FNBP4: variants seen among roughly 807,000 people sequenced by gnomAD.
FNBP4 encodes formin-binding protein 4.
In FNBP4, 34 loss-of-function variants were observed where a neutral mutation model predicts 119.3. That is an observed-to-expected ratio of 0.28 (90% CI 0.22 to 0.38). FNBP4 has a LOEUF of 0.38. FNBP4 is among the 10% of genes least tolerant of loss of function. The pLI is 1.00. For synonymous variants in FNBP4, 462 were observed against 430.6 expected, an observed-to-expected ratio of 1.07 and a Z score of -0.90; for missense variants, 1,112 against 1,228.9, an observed-to-expected ratio of 0.90 and a Z score of 1.42.
At position 47,746,229 on chromosome 11, in the gene FNBP4, T is replaced by A. The variant is rs750153533; in HGVS notation, c.1072A>T (p.Thr358Ser). 1.9e-5 allele frequency: 30 copies of A among 1,614,076 alleles called. No individual in the cohort carries two copies. The highest frequency in any genetic ancestry group is 2.4e-5 in the Non-Finnish European group (28 of 1,180,050). ...KEEPVSEVKE[T>S]STTVEEATTI... ...GTTGCTTCTTCTACTGTTGTACTTG[T>A]TTCTTTTACTTCTGAAACTGGCTCC... The change falls in exon 7 of 17, where the codon ACA (threonine) becomes TCA (serine). Residue 358 changes from threonine to serine, a missense_variant. Physicochemically the swap from Thr to Ser is moderately conservative, Grantham distance 58. This residue lies in a region of FNBP4 where 826 missense variants were observed against 988.8 expected (regional missense o/e 0.84). Coordinates refer to ENST00000263773, the MANE Select transcript of FNBP4 (RefSeq NM_015308.5).
chr11:47,746,475 C>A, intron 6 of FNBP4, 81 bp from the exon 7 acceptor site: 3 of 1,188,484 alleles, frequency 2.5e-6, no homozygotes, highest in Non-Finnish European at 3.5e-6. Flanking sequence ...CACACACATT[C>A]ATATTAACTG....
chr11:47,741,748 G>A (rs1001308329), intron 8 of FNBP4, among the ~76,000 whole-genome samples: 1 of 151,940 alleles, frequency 6.6e-6, no homozygotes, highest in African/African-American at 2.4e-5. Context: ...CTCGGAGGGT[G>A]GAGGTTGCAG....
Position 47,732,645 on chromosome 11 carries a change from C to G in FNBP4, c.1712G>C (p.Gly571Ala). 1 of 1,614,172 alleles carries G rather than the reference C, an allele frequency of 6.2e-7. No individual in the cohort carries two copies. Among genetic ancestry groups the G allele is most frequent in the East Asian group, 2.2e-5 (1 of 44,888 alleles). ...TTTAAGGTAGTTTCCATTAAGAGCC[C>G]CTTCCCGCCAGTCTGCAATTCGAGT... ...TETRIADWRE[G>A]ALNGNYLKRK... Residue 571 changes from glycine (G) to alanine (A), a missense_variant, in exon 11 of 17, where the codon GGG (glycine) becomes GCG (alanine). Around this residue, in one of 2 missense-constraint regions of FNBP4, gnomAD observed 826 missense variants for 988.8 expected, o/e 0.84. Transcript: ENST00000263773. The surrounding 1 kb of genome is among the most constrained non-coding windows in gnomAD (Gnocchi z 4.2).
At position 47,731,529 on chromosome 11, in the gene FNBP4, T is replaced by A. The variant is rs1402369147; in HGVS notation, c.1853A>T (p.Gln618Leu). ...DHRRYFYVNE[Q>L]SGESQWEFPD... is the part of the protein sequence containing the mutation. The stretch of plus-strand genomic sequence containing the variant: ...AAACTCCCACTGAGACTCGCCCGAC[T>A]GTTCGTTTACATAGAAATACCGTCT... The change falls in exon 12 of 17, where the codon CAG becomes CTG. Residue 618 changes from glutamine (Q) to leucine (L), a missense_variant. Physicochemically the swap from Gln to Leu is moderately radical, Grantham distance 113. Around this residue, in one of 2 missense-constraint regions of FNBP4, gnomAD observed 826 missense variants for 988.8 expected, o/e 0.84. Coordinates refer to ENST00000263773, the MANE Select transcript of FNBP4 (RefSeq NM_015308.5). The A allele has an allele frequency of 3.1e-6, 5 of 1,612,090 alleles. No individual in the cohort carries two copies. Among genetic ancestry groups the A allele is most frequent in the Non-Finnish European group, 4.2e-6 (5 of 1,179,556 alleles).
At position 47,746,128 on chromosome 11, in the gene FNBP4, G is replaced by C; in HGVS notation, c.1173C>G (p.Val391=). The C allele has an allele frequency of 6.2e-7, 1 of 1,613,904 alleles. No homozygotes were observed. The highest frequency in any genetic ancestry group is 1.1e-5 in the South Asian group (1 of 90,986). ...CTTCCTCCTCACTTTCTCCAGATTG[G>C]ACAACACTGCAAAGATCCTCCTGAG... ...DPSQEDLCSV[V]QSGESEEEEE... Residue 391 remains valine, a synonymous_variant, in exon 7 of 17, where the codon GTC becomes GTG. Transcript: ENST00000263773.
chr11:47,729,962 G>A, intron 12 of FNBP4: 1 of 985,398 alleles, frequency 1.0e-6, no homozygotes, highest in Non-Finnish European at 1.2e-6. Context: ...AACTAGTTCT[G>A]TTTTAATTAA....
At position 47,741,428 on chromosome 11, in the gene FNBP4, G is replaced by A. The variant is rs184610853; in HGVS notation, c.1456+2525C>T. 1.3e-3 allele frequency among the ~76,000 whole-genome samples: 196 copies of A among 151,758 alleles called. 3 individuals carry two copies. Among genetic ancestry groups the A allele is most frequent in the Non-Finnish European group, 1.9e-3 (126 of 67,990 alleles). On this transcript the variant is annotated intron_variant, in intron 8 of 16. Transcript: ENST00000263773. The stretch of plus-strand genomic sequence containing the variant: ...AAATGATCTTTCCGCTTTGCCCTCC[G>A]AAAGTAAATATTATTGTTTCTATGA...
intron 12 of FNBP4, among the ~76,000 whole-genome samples, chr11:47,728,398 C>T (rs557628790): frequency 6.6e-6 from 1 of 151,686 alleles, no homozygotes; most frequent in Non-Finnish European, 1.5e-5. Flanking sequence ...TACAGGCACC[C>T]GCCACGACAC....
At chr11:47,743,258 G>A (rs117581657) in intron 8 of FNBP4, among the ~76,000 whole-genome samples, 3,243 of 152,182 alleles carry the variant, frequency 0.021, 46 homozygotes, top group Non-Finnish European at 0.033. Flanking sequence ...GGAGGCGGGC[G>A]GATCAACTGA....
In FNBP4 at chr11:47,767,067, G is replaced by A. The variant is rs765642586; in HGVS notation, c.220+2C>T. 2 of 1,527,288 alleles carry A rather than the reference G, an allele frequency of 1.3e-6. No homozygotes were observed. The highest frequency in any genetic ancestry group is 1.2e-5 in the South Asian group (1 of 83,234). The allele number at this position is 1,527,288 out of a possible 1,614,324, so 94.6% of individuals were successfully genotyped here. On this transcript the variant is annotated splice_donor_variant, in intron 1 of 16. Coordinates refer to ENST00000263773, the MANE Select transcript of FNBP4 (RefSeq NM_015308.5). LOFTEE classifies it low-confidence loss of function (GC_TO_GT_DONOR). The stretch of plus-strand genomic sequence containing the variant: ...AGTTCAGGTCCCCCCGCGCACCCTT[G>A]CCTTCTGAAGGCGAGTCGTCCGAGG...
intron 10 of FNBP4, among the ~76,000 whole-genome samples, chr11:47,733,468 T>C (rs1033691018): frequency 1.3e-5 from 2 of 152,100 alleles, no homozygotes; most frequent in African/African-American, 2.4e-5. Context: ...CCCGAGTAGC[T>C]GGGATTACAG....
chr11:47,747,108 T>C (rs998268643), intron 6 of FNBP4, among the ~76,000 whole-genome samples: 1 of 152,044 alleles, frequency 6.6e-6, no homozygotes, highest in Admixed American at 6.6e-5. Context: ...CTCAAGTCAC[T>C]GCAACCTCTG....
chr11:47,767,171 C>T lies in FNBP4; in HGVS notation c.118G>A (p.Asp40Asn). Residue 40 changes from aspartate to asparagine, a missense_variant, in exon 1 of 17, where the codon GAC becomes AAC. Coordinates refer to ENST00000263773, the MANE Select transcript of FNBP4 (RefSeq NM_015308.5). ...DPEPEPDTEP[D>N]STAAVPSQPA... ...TGGCTGGGGACCGCCGCGGTTGAGTCCGGCTCAGTGTCGGGTTCCGGCTCC... is the reference window on the plus strand; with the variant it reads ...TGGCTGGGGACCGCCGCGGTTGAGTTCGGCTCAGTGTCGGGTTCCGGCTCC... The T allele has an allele frequency of 2.6e-6, 4 of 1,555,750 alleles. No homozygotes were observed. The highest frequency in any genetic ancestry group is 3.5e-6 in the Non-Finnish European group (4 of 1,155,792).
rs1355462446 is a variant in FNBP4 at position 47,720,018 on chromosome 11, A to G, written c.2874T>C (p.Asp958=). The part of the protein sequence containing the change: ...KKWQSIQREL[D]EEDNSSSSEE... ...CACTGGAACTAGAATTGTCCTCTTCATCTAACTCACGCTGGATACTCTGCC... is the reference window on the plus strand; with the variant it reads ...CACTGGAACTAGAATTGTCCTCTTCGTCTAACTCACGCTGGATACTCTGCC... Residue 958 remains aspartate (D), a synonymous_variant, in exon 16 of 17, where the codon GAT becomes GAC. Coordinates refer to ENST00000263773, the MANE Select transcript of FNBP4 (RefSeq NM_015308.5). The G allele has an allele frequency of 1.2e-6, 2 of 1,614,034 alleles. No individual in the cohort carries two copies. Among genetic ancestry groups the G allele is most frequent in the Non-Finnish European group, 1.7e-6 (2 of 1,179,992 alleles).
chr11:47,727,260 T>TTTA (rs1180142093), intron 12 of FNBP4, among the ~76,000 whole-genome samples: 1 of 151,182 alleles, frequency 6.6e-6, no homozygotes, highest in Non-Finnish European at 1.5e-5. Context: ...TCTTTTTTTT[T>TTTA]TTTTTTTGTG....
chr11:47,766,423 C>T (rs1307740887), intron 1 of FNBP4, among the ~76,000 whole-genome samples: 1 of 152,180 alleles, frequency 6.6e-6, no homozygotes, highest in East Asian at 1.9e-4. Flanking sequence ...CAAGACACAC[C>T]AAACACTGCT....
intron 8 of FNBP4, 85 bp downstream of exon 8, chr11:47,743,868 T>C: frequency 8.2e-7 from 1 of 1,217,148 alleles, no homozygotes; most frequent in African/African-American, 1.5e-5. Context: ...TCTCCTGTTT[T>C]GTTGAAGAGG....
At chr11:47,749,806 G>C (rs1010420043) in intron 6 of FNBP4, among the ~76,000 whole-genome samples, 2 of 152,060 alleles carry the variant, frequency 1.3e-5, no homozygotes, top group African/African-American at 4.8e-5. Flanking sequence ...CACATTTTCA[G>C]ATTAAGAATA....
chr11:47,765,491 A>T, intron 1 of FNBP4, 129 bp from the exon 2 acceptor site: 1 of 529,854 alleles, frequency 1.9e-6, no homozygotes, highest in Non-Finnish European at 3.2e-6. Context: ...TTTCAGCTCT[A>T]GATTCCATCA....
Sources: allele counts gnomAD v4.1 joint callset (sites outside exome capture counted in the v4.1 genomes callset), GRCh38; gene constraint gnomAD v4.1.1; regional missense constraint gnomAD v4.1.1; non-coding constraint Gnocchi (gnomAD v3.1); transcripts MANE v1.5; gene names NCBI Gene and HGNC (gene_info 2026-07-23, HGNC 2026-07-21).